C12orf42: variants seen among roughly 807,000 people sequenced by gnomAD.
The protein encoded by C12orf42 is uncharacterized protein C12orf42.
Under a neutral mutation model 21.6 loss-of-function variants are expected in C12orf42, and 25 were observed. The ratio of observed to expected loss-of-function variants is 1.16; its 90% confidence interval spans 0.84 to 1.62. C12orf42 has a LOEUF of 1.62. Ranked by LOEUF, C12orf42 falls within the 40% of genes most tolerant of loss-of-function variation. C12orf42 has a pLI of 0.00. For missense variants in C12orf42, 483 were observed against 459.3 expected, an observed-to-expected ratio of 1.05 and a Z score of -0.47; for synonymous variants, 174 against 175.0, an observed-to-expected ratio of 0.99 and a Z score of 0.05.
At position 103,443,112 on chromosome 12, in the gene C12orf42, A is replaced by T. The variant is rs188407243; in HGVS notation, c.78+35237T>A. 7.4e-4 allele frequency among the ~76,000 whole-genome samples: 112 copies of T among 152,250 alleles called. 1 individual carries two copies. In the East Asian group the frequency reaches 0.016, roughly 22 times the overall value. On this transcript the variant is annotated intron_variant, in intron 2 of 5. Coordinates refer to ENST00000548883, the MANE Select transcript of C12orf42 (RefSeq NM_198521.5). ...ACTTCTATATATTAGAATAAACTGAAATCAAACAGCACAAGTTTCATCTTT... is the reference window on the plus strand; with the variant it reads ...ACTTCTATATATTAGAATAAACTGATATCAAACAGCACAAGTTTCATCTTT...
chr12:103,271,826 T>C (rs2035493944), intron 5 of C12orf42, among the ~76,000 whole-genome samples: 1 of 152,226 alleles, frequency 6.6e-6, no homozygotes, highest in South Asian at 2.1e-4. Context: ...TTTACCTTGC[T>C]GATAGATTTT....
At chr12:103,467,473 C>T (rs1295065135) in intron 2 of C12orf42, among the ~76,000 whole-genome samples, 2 of 152,172 alleles carry the variant, frequency 1.3e-5, no homozygotes, top group African/African-American at 4.8e-5. Flanking sequence ...TAGAGGAAAG[C>T]ACTGACCCCA....
At chr12:103,528,641 C>T in the C12orf42 span, among the ~76,000 whole-genome samples, 9 of 152,322 alleles carry the variant, frequency 5.9e-5, no homozygotes, top group South Asian at 1.0e-3. Context: ...AGCTCCCCTT[C>T]GCCTTCTGCC....
chr12:103,399,517 GAA>G, intron 3 of C12orf42, among the ~76,000 whole-genome samples: 1 of 145,044 alleles, frequency 6.9e-6, no homozygotes, highest in Non-Finnish European at 1.5e-5. Context: ...AAAAAAAGAA[GAA>G]GAAGAAAGGC....
At chr12:103,411,862 AAC>A (rs367770140) in intron 2 of C12orf42, among the ~76,000 whole-genome samples, 1 of 152,096 alleles carries the variant, frequency 6.6e-6, no homozygotes, top group Non-Finnish European at 1.5e-5. Context: ...CATGCACACA[AAC>A]ACACACACAC....
At chr12:103,335,169 G>C (rs2137118975) in intron 4 of C12orf42, among the ~76,000 whole-genome samples, 1 of 152,298 alleles carries the variant, frequency 6.6e-6, no homozygotes. Flanking sequence ...GATGCATTCA[G>C]TCCATATAAA....
chr12:103,395,413 G>A (rs1012283603), intron 3 of C12orf42, among the ~76,000 whole-genome samples: 30 of 148,854 alleles, frequency 2.0e-4, no homozygotes, highest in African/African-American at 7.2e-4. Flanking sequence ...TCCGCTCACC[G>A]CAAGCTCCGC....
chr12:103,472,179 C>G lies in C12orf42; in HGVS notation c.78+6170G>C, dbSNP rs568810763. Among the ~76,000 whole-genome samples the G allele has an allele frequency of 2.7e-5, 4 of 150,814 alleles. No individual in the cohort carries two copies. The South Asian group carries it at 6.3e-4, about 24-fold the overall frequency. ...ACGCCATTCTCCTGCCTCAGCCTCACGAGTAGCTGGGACTACAGGCACCCG... is the reference window on the plus strand; with the variant it reads ...ACGCCATTCTCCTGCCTCAGCCTCAGGAGTAGCTGGGACTACAGGCACCCG... On this transcript the variant is annotated intron_variant, in intron 2 of 5. Coordinates refer to ENST00000548883, the MANE Select transcript of C12orf42 (RefSeq NM_198521.5).
intron 2 of C12orf42, among the ~76,000 whole-genome samples, chr12:103,428,724 A>G (rs1378597220): frequency 6.6e-6 from 1 of 152,226 alleles, no homozygotes; most frequent in Non-Finnish European, 1.5e-5. Flanking sequence ...CCTTAATAAA[A>G]TACTGGCAAA....
At chr12:103,492,691 C>T (rs1003073181) in intron 1 of C12orf42, among the ~76,000 whole-genome samples, 3 of 152,154 alleles carry the variant, frequency 2.0e-5, no homozygotes, top group Non-Finnish European at 4.4e-5. Context: ...CCCTTCATCC[C>T]ATGCCACATC....
chr12:103,199,022 G>A, the C12orf42 span, among the ~76,000 whole-genome samples: 1 of 152,166 alleles, frequency 6.6e-6, no homozygotes, highest in Non-Finnish European at 1.5e-5. Flanking sequence ...TGAGCAATAT[G>A]AATGAAGCTG....
chr12:103,291,219 GGCTTACA>G (rs1327277709), intron 4 of C12orf42, among the ~76,000 whole-genome samples: 2 of 152,162 alleles, frequency 1.3e-5, no homozygotes, highest in Non-Finnish European at 2.9e-5. Context: ...AGCCTGCCTA[GGCTTACA>G]GTCCAGCTCT....
At chr12:103,225,900 G>A in the C12orf42 span, among the ~76,000 whole-genome samples, 1 of 152,222 alleles carries the variant, frequency 6.6e-6, no homozygotes. Flanking sequence ...CGGCGTCCGT[G>A]TTGGTCTAAG....
intron 2 of C12orf42, among the ~76,000 whole-genome samples, chr12:103,434,542 G>A (rs957840799): frequency 3.3e-5 from 5 of 152,218 alleles, no homozygotes; most frequent in South Asian, 2.1e-4. Flanking sequence ...CAGTGGGTGC[G>A]CGTACCATGC....
chr12:103,433,622 T>C (rs1222485992), intron 2 of C12orf42, among the ~76,000 whole-genome samples: 2 of 152,154 alleles, frequency 1.3e-5, no homozygotes, highest in Admixed American at 1.3e-4. Flanking sequence ...GGGAGGGACA[T>C]TTACAAAGAA....
At chr12:103,182,247 T>C in the C12orf42 span, among the ~76,000 whole-genome samples, 1 of 152,170 alleles carries the variant, frequency 6.6e-6, no homozygotes, top group South Asian at 2.1e-4. Context: ...TTTGTGTTCT[T>C]AAATAAAATA....
chr12:103,418,137 A>T lies in C12orf42; in HGVS notation c.79-16462T>A, dbSNP rs550244033. On this transcript the variant is annotated intron_variant, in intron 2 of 5. Coordinates refer to ENST00000548883, the MANE Select transcript of C12orf42 (RefSeq NM_198521.5). ...TAAAGTACTACCAGATCTATTTCTA[A>T]AGTACTACCTAACCAAATCCTCCTT... Among the ~76,000 whole-genome samples the T allele has an allele frequency of 1.4e-4, 21 of 152,306 alleles. No individual in the cohort carries two copies. The South Asian group carries it at 4.3e-3, about 32-fold the overall frequency.
At chr12:103,167,896 GTGTGTGTGTGTGTGTGTT>G in the C12orf42 span, 183 of 336,254 alleles carry the variant, frequency 5.4e-4, no homozygotes, top group African/African-American at 3.4e-3. Context: ...GTGTGTGTGT[GTGTGTGTGTGTGTGTGTT>G]TGTGTCTGTG....
the C12orf42 span, among the ~76,000 whole-genome samples, chr12:103,141,530 T>C: frequency 1.1e-4 from 2 of 17,550 alleles, no homozygotes; most frequent in Non-Finnish European, 1.7e-4. Flanking sequence ...ATAATAACAC[T>C]TTTTTTTTTT....
Sources: allele counts gnomAD v4.1 joint callset (sites outside exome capture counted in the v4.1 genomes callset), GRCh38; gene constraint gnomAD v4.1.1; transcripts MANE v1.5; gene names NCBI Gene and HGNC (gene_info 2026-07-23, HGNC 2026-07-21).